TBC1D2: variants seen among roughly 807,000 people sequenced by gnomAD.
TBC1D2 encodes TBC1 domain family member 2A.
A neutral mutation model predicts 91.1 loss-of-function variants in TBC1D2; 58 were observed. The observed-to-expected ratio is 0.64, with a 90% CI of 0.52 to 0.79. TBC1D2 has a LOEUF of 0.79. Among genes scored for constraint, TBC1D2 ranks in the 30% least tolerant of loss-of-function variants. The pLI, the probability that TBC1D2 is intolerant of heterozygous loss-of-function variation, is 0.00. For missense variants in TBC1D2, 1,080 were observed against 1,208.3 expected (o/e 0.89, Z 1.57); for synonymous variants, 482 against 511.5 (o/e 0.94, Z 0.78).
chr9:98,253,137 T>C (rs1277506210), intron 1 of TBC1D2, among the ~76,000 whole-genome samples: 3 of 152,170 alleles, frequency 2.0e-5, no homozygotes, highest in Admixed American at 6.5e-5. Flanking sequence ...TCAGAGATAG[T>C]GCTAGGCACT....
intron 6 of TBC1D2, among the ~76,000 whole-genome samples, chr9:98,220,240 T>A (rs1829061932): frequency 6.6e-6 from 1 of 152,136 alleles, no homozygotes; most frequent in South Asian, 2.1e-4. Flanking sequence ...TTTCTCAGCC[T>A]CAGCATTCCA....
chr9:98,201,349 C>A lies in TBC1D2; in HGVS notation c.2457+130G>T, dbSNP rs1828495028. On this transcript the variant is annotated intron_variant, in intron 11 of 12. Coordinates refer to ENST00000465784, the MANE Select transcript of TBC1D2 (RefSeq NM_001267571.2). ...GCAAAGCATTTTGCAGTTGACAATG[C>A]TCTCAGGAGACGTTCAACAGCTCTG... is the stretch of plus-strand genomic sequence containing the variant. 8 of 814,692 alleles carry A rather than the reference C, an allele frequency of 9.8e-6. No individual in the cohort carries two copies. In the Admixed American group the frequency reaches 2.2e-4, roughly 22 times the overall value. The allele number at this position is 814,692 out of a possible 1,614,324, so 50.5% of individuals were successfully genotyped here.
intron 12 of TBC1D2, 84 bp downstream of exon 12, chr9:98,200,169 C>A: frequency 6.4e-7 from 1 of 1,566,100 alleles, no homozygotes. Flanking sequence ...CCAATCTCTA[C>A]TTGGCAAACA....
chr9:98,216,519 G>A (rs1321597123), intron 6 of TBC1D2, among the ~76,000 whole-genome samples: 1 of 152,100 alleles, frequency 6.6e-6, no homozygotes, highest in South Asian at 2.1e-4. Flanking sequence ...CCCTTGTCAC[G>A]AAAGAGAGCC....
In TBC1D2 at chr9:98,220,982, C is replaced by T. The variant is rs756842688; in HGVS notation, c.1225G>A (p.Asp409Asn). The change falls in exon 6 of 13, where the codon GAC becomes AAC. Residue 409 changes from aspartate to asparagine, a missense_variant. Coordinates refer to ENST00000465784, the MANE Select transcript of TBC1D2 (RefSeq NM_001267571.2). ...ACCTGCTGCTTGGCGTGGTTCTTGT[C>T]CATAAGCAGCTGCACGTGCTGCTGT... ...ELQQHVQLLM[D>N]KNHAKQQVIC... 3.0e-5 allele frequency: 49 copies of T among 1,614,078 alleles called. No homozygotes were observed. Among genetic ancestry groups the T allele is most frequent in the Non-Finnish European group, 3.6e-5 (42 of 1,180,032 alleles).
At chr9:98,235,136 G>A (rs901085466) in intron 3 of TBC1D2, 1 of 231,822 alleles carries the variant, frequency 4.3e-6, no homozygotes, top group Non-Finnish European at 8.9e-6. Context: ...CCGGGAGGCG[G>A]AGGTTGCAGT....
intron 2 of TBC1D2, among the ~76,000 whole-genome samples, chr9:98,244,659 CAAAAAAAAAAAA>C (rs59871511): frequency 2.1e-4 from 10 of 46,890 alleles, no homozygotes; most frequent in Non-Finnish European, 3.6e-4. Flanking sequence ...AACTCCGTCT[CAAAAAAAAAAAA>C]AAAAAAAAAA....
Position 98,209,756 on chromosome 9 carries a change from T to TTCCCTTCCTTCCTTCCTTCC in TBC1D2, c.1674-613_1674-612insGGAAGGAAGGAAGGAAGGGA, listed in dbSNP as rs369507489. The stretch of plus-strand genomic sequence containing the variant: ...TTCCTTCTTTCCTTTCCTTCCTTCC[T>TTCCCTTCCTTCCTTCCTTCC]TTCCTTCCTTCCTTCCTTCCTTCCT... On this transcript the variant is annotated intron_variant, in intron 8 of 12. Coordinates refer to ENST00000465784, the MANE Select transcript of TBC1D2 (RefSeq NM_001267571.2). Among the ~76,000 whole-genome samples, 48 of 105,582 alleles carry TTCCCTTCCTTCCTTCCTTCC rather than the reference T, an allele frequency of 4.5e-4. 1 individual carries two copies. Among genetic ancestry groups the TTCCCTTCCTTCCTTCCTTCC allele is most frequent in the African/African-American group, 1.8e-3 (44 of 24,066 alleles). 69.3% of individuals were successfully genotyped at this position (105,582 alleles called of 152,430 possible). A position where few individuals can be genotyped will look rare whatever the true frequency, so the allele number is the denominator to read the frequency against.
In TBC1D2 at chr9:98,220,844, C is replaced by T; in HGVS notation, c.1363G>A (p.Glu455Lys). The T allele has an allele frequency of 6.2e-7, 1 of 1,613,978 alleles. No individual in the cohort carries two copies. Among genetic ancestry groups the T allele is most frequent in the Non-Finnish European group, 8.5e-7 (1 of 1,179,890 alleles). ...GGGGAGGCCCCTACCTTCAGGTGCTCTATCTTCCCCTGCTGGCTCAGGAAG... is the reference window on the plus strand; with the variant it reads ...GGGGAGGCCCCTACCTTCAGGTGCTTTATCTTCCCCTGCTGGCTCAGGAAG... ...RDFLSQQGKI[E>K]HLKDDMEAYR... The change falls in exon 6 of 13, where the codon GAG becomes AAG. Residue 455 changes from glutamate to lysine, a missense_variant. Physicochemically the swap from Glu to Lys is moderately conservative, Grantham distance 56 (BLOSUM62 1). Transcript: ENST00000465784.
In TBC1D2 at chr9:98,220,917, C is replaced by T. The variant is rs749453138; in HGVS notation, c.1290G>A (p.Thr430=). 21 of 1,614,006 alleles carry T rather than the reference C, an allele frequency of 1.3e-5. No individual in the cohort carries two copies. Among genetic ancestry groups the T allele is most frequent in the South Asian group, 6.6e-5 (6 of 91,080 alleles). Residue 430 remains threonine (T), a synonymous_variant, in exon 6 of 13, where the codon ACG becomes ACA. Coordinates refer to ENST00000465784, the MANE Select transcript of TBC1D2 (RefSeq NM_001267571.2). ...KLSEKVTQDF[T]HPPDQSPLRP... ...GCAAAGGAGACTGGTCAGGGGGGTGCGTGAAGTCCTGGGTGACCTTCTCAG... is the reference window on the plus strand; with the variant it reads ...GCAAAGGAGACTGGTCAGGGGGGTGTGTGAAGTCCTGGGTGACCTTCTCAG...
chr9:98,213,742 A>G (rs1046219771), intron 6 of TBC1D2, among the ~76,000 whole-genome samples: 2 of 152,194 alleles, frequency 1.3e-5, no homozygotes, highest in African/African-American at 4.8e-5. Flanking sequence ...ATCATTTTTA[A>G]CCTCTGGTGA....
rs1218488573 is a variant in TBC1D2, at chr9:98,229,340, GACA to G, written c.782-195_782-193del. 1.2e-5 allele frequency: 7 copies of G among 575,436 alleles called. 1 individual carries two copies. In the East Asian group the frequency reaches 2.1e-4, roughly 17 times the overall value. The allele number at this position is 575,436 out of a possible 1,614,324, so 35.6% of individuals were successfully genotyped here. On this transcript the variant is annotated intron_variant, in intron 4 of 12. Transcript: ENST00000465784. Reference sequence around the variant, plus strand: ...TTCTAAAAAGTTCCTAGGTGATGCTGACACAGCTTGTCCAGGGGTTAGACTGTG... The same window carrying G: ...TTCTAAAAAGTTCCTAGGTGATGCTGCAGCTTGTCCAGGGGTTAGACTGTG...
rs957641306 is a variant in TBC1D2 at position 98,220,830 on chromosome 9, T to G, written c.1374+3A>C. ...CTGGCAGGCCCTGAGGGGAGGCCCC[T>G]ACCTTCAGGTGCTCTATCTTCCCCT... On this transcript the variant is annotated splice_donor_region_variant and intron_variant, in intron 6 of 12. Transcript: ENST00000465784. 6.2e-7 allele frequency: 1 copy of G among 1,613,084 alleles called. No individual in the cohort carries two copies. The highest frequency in any genetic ancestry group is 1.1e-5 in the South Asian group (1 of 91,048).
intron 7 of TBC1D2, 117 bp from the exon 8 acceptor site, chr9:98,210,960 C>A (rs1229486136): frequency 3.2e-6 from 3 of 938,718 alleles, no homozygotes; most frequent in Admixed American, 2.8e-5. Context: ...GCCCCACTCC[C>A]AACTCCCAGA....
At position 98,255,259 on chromosome 9, in the gene TBC1D2, G is replaced by T; in HGVS notation, c.283C>A (p.Leu95Ile). 6.2e-7 allele frequency: 1 copy of T among 1,614,246 alleles called. No individual in the cohort carries two copies. The highest frequency in any genetic ancestry group is 8.5e-7 in the Non-Finnish European group (1 of 1,180,040). Residue 95 changes from leucine (L) to isoleucine (I), a missense_variant, in exon 1 of 13, where the codon CTC (leucine) becomes ATC (isoleucine). Coordinates refer to ENST00000465784, the MANE Select transcript of TBC1D2 (RefSeq NM_001267571.2). The stretch of plus-strand genomic sequence containing the variant: ...TTACAGTCAAACACTGCACTGGAGA[G>T]GTCGATGCTGTCCAAGGGATTGGCA... ...QDANPLDSID[L>I]SSAVFDCKAD... is the part of the protein sequence containing the mutation.
intron 2 of TBC1D2, among the ~76,000 whole-genome samples, chr9:98,250,440 A>G (rs1319466639): frequency 6.6e-6 from 1 of 152,054 alleles, no homozygotes; most frequent in Non-Finnish European, 1.5e-5. Flanking sequence ...ACTTTGAGAG[A>G]TGAGGTGTGA....
At chr9:98,201,449 C>A (rs757778445) in intron 11 of TBC1D2, 30 bp downstream of exon 11, 9 of 1,601,132 alleles carry the variant, frequency 5.6e-6, no homozygotes, top group Non-Finnish European at 1.7e-6. Flanking sequence ...TGCTCAGGGG[C>A]CCCCTGCCCA....
chr9:98,235,848 C>T (rs538047163), intron 3 of TBC1D2, among the ~76,000 whole-genome samples: 155 of 152,198 alleles, frequency 1.0e-3, no homozygotes, highest in African/African-American at 3.5e-3. Context: ...TCCTGGCTAA[C>T]ACGGTGAAAC....
At chr9:98,201,933 G>A (rs1042611571) in intron 10 of TBC1D2, among the ~76,000 whole-genome samples, 5 of 152,192 alleles carry the variant, frequency 3.3e-5, no homozygotes, top group African/African-American at 7.2e-5. Flanking sequence ...GGGCTGGCAC[G>A]TTCTCCGCCC....
Sources: allele counts gnomAD v4.1 joint callset (sites outside exome capture counted in the v4.1 genomes callset), GRCh38; gene constraint gnomAD v4.1.1; transcripts MANE v1.5; gene names NCBI Gene and HGNC (gene_info 2026-07-23, HGNC 2026-07-21).